The following CNTN4 variants were observed in gnomAD, a reference collection of about 807,000 sequenced individuals.
CNTN4 encodes the protein contactin-4.
Under a neutral mutation model 122.5 loss-of-function variants are expected in CNTN4, and 77 were observed. The ratio of observed to expected loss-of-function variants is 0.63; its 90% CI spans 0.52 to 0.76. CNTN4 has a LOEUF of 0.76. Ranked by LOEUF, CNTN4 falls within the 30% of genes least tolerant of loss-of-function variation. The probability of loss-of-function intolerance (pLI) is 0.00; values close to 1 mark genes in which losing one functional copy is unlikely to be tolerated. For missense variants in CNTN4, 1,256 were observed against 1,259.1 expected (o/e 1.00, Z 0.04); for synonymous variants, 512 against 447.0 (o/e 1.15, Z -1.83).
chr3:2,211,575 T>C (rs2038619110), intron 2 of CNTN4, among the ~76,000 whole-genome samples: 1 of 152,224 alleles, frequency 6.6e-6, no homozygotes, highest in East Asian at 1.9e-4. Context: ...ATATAAGGCA[T>C]TCTAAAACCT....
intron 3 of CNTN4, among the ~76,000 whole-genome samples, chr3:2,391,650 A>C (rs1158044036): frequency 1.3e-5 from 2 of 152,190 alleles, no homozygotes; most frequent in Non-Finnish European, 2.9e-5. Flanking sequence ...ATGTAATGCC[A>C]AGTTAGTTAG....
At chr3:2,205,086 G>C (rs948292215) in intron 2 of CNTN4, among the ~76,000 whole-genome samples, 18 of 151,700 alleles carry the variant, frequency 1.2e-4, no homozygotes, top group Non-Finnish European at 2.2e-4. Flanking sequence ...GGTGAGAAGA[G>C]GTCATGTAAA....
chr3:2,637,918 A>G (rs2082736082), intron 4 of CNTN4, among the ~76,000 whole-genome samples: 2 of 152,208 alleles, frequency 1.3e-5, no homozygotes, highest in Non-Finnish European at 2.9e-5. Flanking sequence ...TAAAAAAGCC[A>G]GAATTTGGAA....
Position 2,749,641 on chromosome 3 carries a change from G to A in CNTN4, c.358+3944G>A, listed in dbSNP as rs150779788. Among the ~76,000 whole-genome samples, 392 of 152,202 alleles carry A rather than the reference G, an allele frequency of 2.6e-3. 2 individuals are homozygous for A. The highest frequency in any genetic ancestry group is 4.5e-3 in the Non-Finnish European group (309 of 68,018). ...AATTCCTGTGTTACGTGCCTGTTCAGTAACACAACAAAGAAAATATATGTA... is the reference window on the plus strand; with the variant it reads ...AATTCCTGTGTTACGTGCCTGTTCAATAACACAACAAAGAAAATATATGTA... On this transcript the variant is annotated intron_variant, in intron 6 of 24. Coordinates refer to ENST00000418658, the MANE Select transcript of CNTN4 (RefSeq NM_175607.3).
intron 14 of CNTN4, among the ~76,000 whole-genome samples, chr3:3,000,461 A>T (rs994244289): frequency 5.3e-5 from 8 of 152,234 alleles, no homozygotes; most frequent in African/African-American, 1.7e-4. Context: ...GTGACATCAG[A>T]GGGCAGTACC....
chr3:2,444,919 A>C (rs759786444), intron 3 of CNTN4, among the ~76,000 whole-genome samples: 28 of 151,938 alleles, frequency 1.8e-4, no homozygotes, highest in Non-Finnish European at 3.5e-4. Flanking sequence ...GAAGTTTACT[A>C]TTTATTATCA....
intron 6 of CNTN4, among the ~76,000 whole-genome samples, chr3:2,801,132 G>T (rs1419585071): frequency 1.3e-5 from 2 of 148,516 alleles, no homozygotes; most frequent in Non-Finnish European, 3.0e-5. Flanking sequence ...GTATTTGTCT[G>T]CTTTGTTCAT....
At chr3:2,655,068 C>A (rs1297513701) in intron 4 of CNTN4, among the ~76,000 whole-genome samples, 3 of 152,104 alleles carry the variant, frequency 2.0e-5, no homozygotes, top group African/African-American at 7.2e-5. Flanking sequence ...TAAGGTGCAG[C>A]CACGTAGAGT....
intron 3 of CNTN4, among the ~76,000 whole-genome samples, chr3:2,398,376 T>C (rs1476406652): frequency 6.6e-6 from 1 of 152,138 alleles, no homozygotes; most frequent in Non-Finnish European, 1.5e-5. Context: ...GGGGCAAATA[T>C]TCATCAGAAT....
At chr3:2,303,261 T>G (rs2042588214) in intron 2 of CNTN4, among the ~76,000 whole-genome samples, 2 of 152,178 alleles carry the variant, frequency 1.3e-5, no homozygotes, top group African/African-American at 4.8e-5. Flanking sequence ...AGTGTACAAT[T>G]TAGTATATTC....
At chr3:2,224,891 C>T (rs545135677) in intron 2 of CNTN4, among the ~76,000 whole-genome samples, 1 of 152,294 alleles carries the variant, frequency 6.6e-6, no homozygotes, top group South Asian at 2.1e-4. Context: ...TGGCTCACGC[C>T]TGTAATCCCA....
At position 2,887,153 on chromosome 3, in the gene CNTN4, C is replaced by T. The variant is rs764889646; in HGVS notation, c.869C>T (p.Ala290Val). The change falls in exon 10 of 25, where the codon GCT (alanine) becomes GTT (valine). Residue 290 changes from alanine to valine, a missense_variant. Physicochemically the swap from Ala to Val is moderately conservative, Grantham distance 64. Transcript: ENST00000418658. ...ATCCCTAATTTTCAGCAGGAGGATG[C>T]TGGTTTATATGAATGTGTAGCTGAA... ...LEIPNFQQED[A>V]GLYECVAENS... The T allele has an allele frequency of 6.2e-7, 1 of 1,614,052 alleles. No individual in the cohort carries two copies. The highest frequency in any genetic ancestry group is 2.2e-5 in the East Asian group (1 of 44,880).
chr3:3,009,477 A>G (rs1696976968), intron 14 of CNTN4, among the ~76,000 whole-genome samples: 1 of 151,654 alleles, frequency 6.6e-6, no homozygotes, highest in East Asian at 1.9e-4. Flanking sequence ...TCTGTCGCCC[A>G]GGCTGGAGTG....
chr3:2,757,933 T>C (rs1019041897), intron 6 of CNTN4, among the ~76,000 whole-genome samples: 1 of 152,220 alleles, frequency 6.6e-6, no homozygotes, highest in Non-Finnish European at 1.5e-5. Flanking sequence ...ACACTAATTA[T>C]GATTAGAGTA....
rs180841247 is a variant in CNTN4 at position 2,259,700 on chromosome 3, A to G, written c.-144-79478A>G. Among the ~76,000 whole-genome samples the G allele has an allele frequency of 2.7e-3, 418 of 152,232 alleles. 1 individual carries two copies. Among genetic ancestry groups the G allele is most frequent in the Middle Eastern group, 0.01 (3 of 294 alleles). On this transcript the variant is annotated intron_variant, in intron 2 of 24. Coordinates refer to ENST00000418658, the MANE Select transcript of CNTN4 (RefSeq NM_175607.3). ...CCACGAGAACAGTATGGGGCAAACC[A>G]CCCGTATGATTCAGTTTTCTCCCAC...
At chr3:2,202,941 C>G (rs546179370) in intron 2 of CNTN4, among the ~76,000 whole-genome samples, 190 of 152,008 alleles carry the variant, frequency 1.2e-3, no homozygotes, top group African/African-American at 4.4e-3. Flanking sequence ...CCTGGCTTAG[C>G]CTCCCAAGTA....
chr3:2,420,926 T>G (rs1364621714), intron 3 of CNTN4, among the ~76,000 whole-genome samples: 2 of 152,184 alleles, frequency 1.3e-5, no homozygotes, highest in Non-Finnish European at 2.9e-5. Context: ...AGAATGTACT[T>G]CACGTTTTGC....
rs962891818 is a variant in CNTN4 at position 2,107,868 on chromosome 3, A to T, written c.-145+7229A>T. On this transcript the variant is annotated intron_variant, in intron 2 of 24. Transcript: ENST00000418658. ...GTTTCACTCCCTTGTAATACATCAGACTTCCAGTCAAGAACCATTTGGCAT... is the reference window on the plus strand; with the variant it reads ...GTTTCACTCCCTTGTAATACATCAGTCTTCCAGTCAAGAACCATTTGGCAT... 5.9e-5 allele frequency among the ~76,000 whole-genome samples: 9 copies of T among 152,144 alleles called. No individual in the cohort carries two copies. The South Asian group carries it at 6.2e-4, about 11-fold the overall frequency.
At chr3:2,545,401 T>C (rs2078202709) in intron 3 of CNTN4, among the ~76,000 whole-genome samples, 1 of 152,074 alleles carries the variant, frequency 6.6e-6, no homozygotes, top group Admixed American at 6.6e-5. Context: ...TGGGATCAGG[T>C]CCTGAATATT....
Sources: allele counts gnomAD v4.1 joint callset (sites outside exome capture counted in the v4.1 genomes callset), GRCh38; gene constraint gnomAD v4.1.1; transcripts MANE v1.5; gene names NCBI Gene and HGNC (gene_info 2026-07-23, HGNC 2026-07-21).